RNF213: variants seen among roughly 807,000 people sequenced by gnomAD.
RNF213 encodes the protein ring finger protein 213.
A neutral mutation model predicts 514.4 loss-of-function variants in RNF213; 341 were observed. That is an observed-to-expected ratio of 0.66 (90% CI 0.61 to 0.73). The LOEUF (loss-of-function observed/expected upper bound fraction) is 0.73. Among genes scored for constraint, RNF213 ranks in the 30% least tolerant of loss-of-function variants. The probability of loss-of-function intolerance (pLI) is 0.00; values close to 1 mark genes in which losing one functional copy is unlikely to be tolerated. For missense variants in RNF213, 5,767 were observed against 6,615.6 expected (o/e 0.87, Z 4.45); for synonymous variants, 2,655 against 2,658.2 (o/e 1.00, Z 0.04).
chr17:80,377,814 A>G lies in RNF213; in HGVS notation c.13545+18A>G. On this transcript the variant is annotated intron_variant, in intron 54 of 67. Transcript: ENST00000582970. This position sits in a 1 kb window ranked among gnomAD's most constrained non-coding sequence, Gnocchi z 4.1. ...TGGGAGAGGTGAGTCTTGGTATTTA[A>G]GATAGGGTTTGAGGGGTGGCGTGCA... 6.2e-7 allele frequency: 1 copy of G among 1,614,046 alleles called. No homozygotes were observed. Among genetic ancestry groups the G allele is most frequent in the Non-Finnish European group, 8.5e-7 (1 of 1,179,956 alleles).
chr17:80,339,070 G>T, intron 25 of RNF213, 131 bp from the exon 26 acceptor site: 3 of 548,756 alleles, frequency 5.5e-6, no homozygotes, highest in South Asian at 4.5e-5. Context: ...GGGAGGCCTT[G>T]TGAGCGCAGA....
intron 5 of RNF213, among the ~76,000 whole-genome samples, chr17:80,289,211 T>A (rs1380282918): frequency 6.6e-6 from 1 of 152,120 alleles, no homozygotes; most frequent in Non-Finnish European, 1.5e-5. Flanking sequence ...CTGTGATTAG[T>A]GGCCCCAGCG....
intron 22 of RNF213, chr17:80,334,499 G>A (rs747447421): frequency 2.6e-4 from 107 of 409,670 alleles, no homozygotes; most frequent in Non-Finnish European, 1.9e-4. Flanking sequence ...GCCACACCCC[G>A]CCACTTCGGA....
In RNF213 at chr17:80,348,202, C is replaced by T. The variant is rs761789068; in HGVS notation, c.9867C>T (p.His3289=). ...AGTGGCTGTCGCAGGAGTACTTTCA[C>T]AGACAGAGGCACAACTCCTTTGCAG... The part of the protein sequence containing the change: ...AAEWLSQEYF[H]RQRHNSFADF... Residue 3289 remains histidine, a synonymous_variant, in exon 29 of 68, where the codon CAC becomes CAT. Coordinates refer to ENST00000582970, the MANE Select transcript of RNF213 (RefSeq NM_001256071.3). 3.8e-5 allele frequency: 62 copies of T among 1,613,882 alleles called. 1 individual carries two copies. In the South Asian group the frequency reaches 6.6e-4, roughly 17 times the overall value.
chr17:80,262,898 C>T (rs1403413715), intron 1 of RNF213, among the ~76,000 whole-genome samples: 1 of 152,178 alleles, frequency 6.6e-6, no homozygotes, highest in Admixed American at 6.5e-5. Context: ...CCAGCCACTG[C>T]CCCAGTGGAG....
intron 3 of RNF213, among the ~76,000 whole-genome samples, chr17:80,279,642 T>C (rs1272421301): frequency 6.6e-6 from 1 of 152,024 alleles, no homozygotes; most frequent in East Asian, 1.9e-4. Flanking sequence ...TTTTTTTGTG[T>C]ATTTTTAGTA....
intron 3 of RNF213, among the ~76,000 whole-genome samples, chr17:80,273,689 G>A (rs907939619): frequency 2.0e-5 from 3 of 147,648 alleles, no homozygotes; most frequent in Non-Finnish European, 3.0e-5. Context: ...GTGCGATCTC[G>A]GCTCGCTGCA....
chr17:80,332,041 G>T lies in RNF213; in HGVS notation c.3553G>T (p.Asp1185Tyr). 18 of 1,537,070 alleles carry T rather than the reference G, an allele frequency of 1.2e-5. No individual in the cohort carries two copies. Among genetic ancestry groups the T allele is most frequent in the Non-Finnish European group, 1.6e-5 (18 of 1,146,892 alleles). Reference protein sequence around the residue: ...FGVLAVRHSQDLSSKRLNDTV... With the variant: ...FGVLAVRHSQYLSSKRLNDTV... The stretch of plus-strand genomic sequence containing the variant: ...AGTGCTTGCAGTAAGACACTCACAA[G>T]ACCTCAGCAGTAAAAGATTAAATGA... The change falls in exon 21 of 68, where the codon GAC (aspartate) becomes TAC (tyrosine). Residue 1185 changes from aspartate to tyrosine, a missense_variant. Transcript: ENST00000582970.
chr17:80,337,603 C>T lies in RNF213; in HGVS notation c.4545C>T (p.Asn1515=). The change falls in exon 24 of 68, where the codon AAC becomes AAT. Residue 1515 remains asparagine (N), a synonymous_variant. Coordinates refer to ENST00000582970, the MANE Select transcript of RNF213 (RefSeq NM_001256071.3). ...LPRKLCDSAR[N]LEWLKTVNES... ...CCCCATAGTGTGACTCCGCCAGGAA[C>T]TTGGAATGGCTGAAGACTGTGAATG... The T allele has an allele frequency of 6.5e-7, 1 of 1,537,316 alleles. No individual in the cohort carries two copies. The highest frequency in any genetic ancestry group is 8.7e-7 in the Non-Finnish European group (1 of 1,146,928).
chr17:80,361,964 T>C, intron 39 of RNF213, 76 bp downstream of exon 39: 5 of 1,514,236 alleles, frequency 3.3e-6, no homozygotes, highest in South Asian at 2.3e-5. Flanking sequence ...ACGGAGACGT[T>C]TCCTCAGCTG....
Position 80,386,882 on chromosome 17 carries a change from G to A in RNF213, c.14913G>A (p.Leu4971=), listed in dbSNP as rs2080257865. Residue 4971 remains leucine, a synonymous_variant, in exon 63 of 68, where the codon CTG becomes CTA. Transcript: ENST00000582970. ...VSRFLQGKPR[L]SLKGIPTLVY... ...GCTTCCTCCAGGGCAAGCCCCGGCT[G>A]AGCCTCAAGGTAGGGCTGACTCCTG... 13 of 1,612,096 alleles carry A rather than the reference G, an allele frequency of 8.1e-6. No individual in the cohort carries two copies. The highest frequency in any genetic ancestry group is 1.1e-5 in the Non-Finnish European group (13 of 1,179,442).
rs1194686663 is a variant in RNF213 at position 80,332,426 on chromosome 17, A to C, written c.3938A>C (p.Lys1313Thr). 11 of 1,537,082 alleles carry C rather than the reference A, an allele frequency of 7.2e-6. No homozygotes were observed. The Admixed American group carries it at 2.0e-4, about 27-fold the overall frequency. Reference sequence around the variant, plus strand: ...GTCATCTTCAAGGACTTTGTGAATAAATACACGGACCTGGATTCAGAACTT... The same window carrying C: ...GTCATCTTCAAGGACTTTGTGAATACATACACGGACCTGGATTCAGAACTT... ...IDVIFKDFVN[K>T]YTDLDSELKI... The change falls in exon 21 of 68, where the codon AAA (lysine) becomes ACA (threonine). Residue 1313 changes from lysine to threonine, a missense_variant. By Grantham distance (78) the Lys-to-Thr change is moderately conservative. Coordinates refer to ENST00000582970, the MANE Select transcript of RNF213 (RefSeq NM_001256071.3).
chr17:80,333,738 C>T (rs748755648), intron 21 of RNF213: 10 of 188,558 alleles, frequency 5.3e-5, no homozygotes, highest in Non-Finnish European at 7.8e-5. Context: ...CATCCATTTA[C>T]ACTTGAACCC....
chr17:80,393,719 A>G lies in RNF213; in HGVS notation c.*221A>G. 1 of 537,202 alleles carries G rather than the reference A, an allele frequency of 1.9e-6. No individual in the cohort carries two copies. 33.3% of individuals were successfully genotyped at this position (537,202 alleles called of 1,614,324 possible). A position where few individuals can be genotyped will look rare whatever the true frequency, so the allele number is the denominator to read the frequency against. ...ATACATGTTCTGAAACTTTCTCATC[A>G]TTTTATGAGTACTGTTCATTGAGAG... On this transcript the variant is annotated 3_prime_UTR_variant, in exon 68 of 68. Coordinates refer to ENST00000582970, the MANE Select transcript of RNF213 (RefSeq NM_001256071.3).
chr17:80,353,499 G>A lies in RNF213; in HGVS notation c.10424-13G>A. ...TCTGAGTGGTAACGCAATCACGTTT[G>A]CTTCGACTGCAGTGGGCTTGGAACA... On this transcript the variant is annotated splice_polypyrimidine_tract_variant and intron_variant, in intron 33 of 67. Transcript: ENST00000582970. The surrounding 1 kb of genome is among the most constrained non-coding windows in gnomAD (Gnocchi z 5.0). 3 of 1,602,004 alleles carry A rather than the reference G, an allele frequency of 1.9e-6. No individual in the cohort carries two copies. The highest frequency in any genetic ancestry group is 2.6e-6 in the Non-Finnish European group (3 of 1,174,190).
At chr17:80,349,626 C>G in intron 29 of RNF213, 144 bp from the exon 30 acceptor site, 1 of 981,482 alleles carries the variant, frequency 1.0e-6, no homozygotes, top group South Asian at 1.3e-5. Flanking sequence ...TTGGGAAACT[C>G]CTTTGGGTTT....
intron 35 of RNF213, 86 bp from the exon 36 acceptor site, chr17:80,354,355 C>T (rs2078651108): frequency 6.2e-7 from 1 of 1,603,910 alleles, no homozygotes; most frequent in Admixed American, 1.7e-5. Flanking sequence ...ACGGACTTCC[C>T]TTCCTGGGGG....
At chr17:80,355,413 ACGGAGGAAGAAGCGGGG>A in intron 36 of RNF213, 2 of 219,510 alleles carry the variant, frequency 9.1e-6, no homozygotes, top group African/African-American at 5.9e-5. Context: ...ATGGGGGCTC[ACGGAGGAAGAAGCGGGG>A]TGGATGGGAA....
rs776564963 is a variant in RNF213 at position 80,288,678 on chromosome 17, G to C, written c.856G>C (p.Gly286Arg). The C allele has an allele frequency of 3.7e-6, 6 of 1,614,054 alleles. No homozygotes were observed. The highest frequency in any genetic ancestry group is 5.1e-6 in the Non-Finnish European group (6 of 1,180,038). Residue 286 changes from glycine to arginine, a missense_variant, in exon 5 of 68, where the codon GGG (glycine) becomes CGG (arginine). This residue lies in a region of RNF213 where 509 missense variants were observed against 496.7 expected (regional missense o/e 1.02). Coordinates refer to ENST00000582970, the MANE Select transcript of RNF213 (RefSeq NM_001256071.3). This position sits in a 1 kb window ranked among gnomAD's most constrained non-coding sequence, Gnocchi z 4.9. Reference protein sequence around the residue: ...AEPANAVKGAGKEMKEKTQRM... With the variant: ...AEPANAVKGARKEMKEKTQRM... Reference sequence around the variant, plus strand: ...GCCAGCCAATGCAGTTAAAGGGGCCGGGAAGGAAATGAAAGAGAAGACCCA... The same window carrying C: ...GCCAGCCAATGCAGTTAAAGGGGCCCGGAAGGAAATGAAAGAGAAGACCCA...
Sources: allele counts gnomAD v4.1 joint callset (sites outside exome capture counted in the v4.1 genomes callset), GRCh38; gene constraint gnomAD v4.1.1; regional missense constraint gnomAD v4.1.1; non-coding constraint Gnocchi (gnomAD v3.1); transcripts MANE v1.5; gene names NCBI Gene and HGNC (gene_info 2026-07-23, HGNC 2026-07-21).